Variants in CTNNA2 observed in about 807,000 individuals in gnomAD.
CTNNA2 encodes catenin alpha-2.
Under a neutral mutation model 101.0 loss-of-function variants are expected in CTNNA2, and 42 were observed. The observed-to-expected ratio is 0.42, with a 90% CI of 0.32 to 0.54. The LOEUF is 0.54. Among genes scored for constraint, CTNNA2 ranks in the 20% least tolerant of loss-of-function variants. CTNNA2 has a pLI of 0.14. For synonymous variants in CTNNA2, 450 were observed against 456.4 expected, an observed-to-expected ratio of 0.99 and a Z score of 0.18; for missense variants, 871 against 1,223.1, an observed-to-expected ratio of 0.71 and a Z score of 4.29.
chr2:79,613,165 C>CAAA (rs34156526), intron 1 of CTNNA2, among the ~76,000 whole-genome samples: 7 of 144,492 alleles, frequency 4.8e-5, no homozygotes, highest in Non-Finnish European at 9.1e-5. Flanking sequence ...ACGTTCAGAG[C>CAAA]AAAAAAAAAA....
intron 1 of CTNNA2, among the ~76,000 whole-genome samples, chr2:79,551,270 T>C (rs1674082393): frequency 6.6e-6 from 1 of 151,994 alleles, no homozygotes; most frequent in Non-Finnish European, 1.5e-5. Flanking sequence ...ACCTCAGTAT[T>C]TAAAGGGGAA....
intron 6 of CTNNA2, among the ~76,000 whole-genome samples, chr2:79,882,850 C>G (rs1177384170): frequency 1.3e-5 from 2 of 152,206 alleles, no homozygotes; most frequent in Admixed American, 6.5e-5. Flanking sequence ...CAAGTGGCGT[C>G]TTCCGATCCG....
intron 3 of CTNNA2, among the ~76,000 whole-genome samples, chr2:79,840,979 C>T (rs1399948734): frequency 6.6e-6 from 1 of 152,088 alleles, no homozygotes; most frequent in African/African-American, 2.4e-5. Context: ...CCGTGTTAGC[C>T]AACATGGTCT....
At chr2:80,391,463 A>G (rs554007982) in intron 7 of CTNNA2, among the ~76,000 whole-genome samples, 1 of 152,356 alleles carries the variant, frequency 6.6e-6, no homozygotes, top group East Asian at 1.9e-4. Flanking sequence ...CAAGTTTTCA[A>G]CTAAACTCAT....
At chr2:79,735,817 C>T (rs1295870220) in intron 2 of CTNNA2, among the ~76,000 whole-genome samples, 1 of 152,120 alleles carries the variant, frequency 6.6e-6, no homozygotes, top group Admixed American at 6.5e-5. Flanking sequence ...CATCTGAATT[C>T]TATGCAGTTA....
intron 7 of CTNNA2, among the ~76,000 whole-genome samples, chr2:79,997,277 A>G (rs961098587): frequency 6.6e-6 from 1 of 151,788 alleles, no homozygotes; most frequent in African/African-American, 2.4e-5. Flanking sequence ...CACCTTTTCT[A>G]CTATGTTTAT....
At chr2:79,342,327 G>A (rs772802288) in intron 3 of CTNNA2, among the ~76,000 whole-genome samples, 6 of 152,194 alleles carry the variant, frequency 3.9e-5, no homozygotes, top group Non-Finnish European at 2.9e-5. Flanking sequence ...TGCCTAAGCT[G>A]CTGTGATGAG....
At chr2:79,303,809 G>A (rs113885342) in intron 2 of CTNNA2, among the ~76,000 whole-genome samples, 2 of 152,070 alleles carry the variant, frequency 1.3e-5, no homozygotes, top group African/African-American at 4.8e-5. Context: ...GGAAGTGGGG[G>A]CTGAGGGAAT....
chr2:80,371,163 A>G (rs1573870047), intron 7 of CTNNA2, among the ~76,000 whole-genome samples: 1 of 152,264 alleles, frequency 6.6e-6, no homozygotes, highest in East Asian at 1.9e-4. Flanking sequence ...AGAAGGTGAG[A>G]GTGACCTTTC....
At chr2:79,774,265 T>C (rs1166992832) in intron 3 of CTNNA2, among the ~76,000 whole-genome samples, 1 of 152,152 alleles carries the variant, frequency 6.6e-6, no homozygotes, top group African/African-American at 2.4e-5. Flanking sequence ...TCCCAGCTGA[T>C]CTTAACCCCC....
At chr2:79,569,084 G>A (rs1031807245) in intron 1 of CTNNA2, among the ~76,000 whole-genome samples, 5 of 152,068 alleles carry the variant, frequency 3.3e-5, no homozygotes, top group African/African-American at 7.2e-5. Flanking sequence ...ATATGAAGAA[G>A]TCTATTTAAT....
chr2:80,520,009 C>G (rs1689405732), intron 9 of CTNNA2, among the ~76,000 whole-genome samples: 4 of 152,100 alleles, frequency 2.6e-5, no homozygotes, highest in Admixed American at 1.3e-4. Flanking sequence ...CATCATTGAT[C>G]CACTGTTGCT....
At chr2:79,485,254 C>A (rs564088329) in intron 4 of CTNNA2, among the ~76,000 whole-genome samples, 44 of 152,002 alleles carry the variant, frequency 2.9e-4, no homozygotes, top group African/African-American at 1.0e-3. Context: ...TTAATTTAAA[C>A]AAATAATAGA....
chr2:79,904,616 A>C (rs563891188), intron 6 of CTNNA2, among the ~76,000 whole-genome samples: 1 of 152,208 alleles, frequency 6.6e-6, no homozygotes, highest in Non-Finnish European at 1.5e-5. Context: ...CTGAATGACC[A>C]TGGGACAACA....
At chr2:79,913,593 G>C (rs971771460) in intron 7 of CTNNA2, among the ~76,000 whole-genome samples, 1 of 152,194 alleles carries the variant, frequency 6.6e-6, no homozygotes, top group Non-Finnish European at 1.5e-5. Flanking sequence ...GGACAGGTGA[G>C]GAGGCCCTGC....
intron 3 of CTNNA2, among the ~76,000 whole-genome samples, chr2:79,342,730 C>G (rs1677165537): frequency 6.6e-6 from 1 of 152,136 alleles, no homozygotes; most frequent in Non-Finnish European, 1.5e-5. Context: ...TGCATCCCTA[C>G]CTGCAGATCC....
chr2:80,330,705 C>G (rs1303868134), intron 7 of CTNNA2, among the ~76,000 whole-genome samples: 1 of 152,062 alleles, frequency 6.6e-6, no homozygotes, highest in African/African-American at 2.4e-5. Flanking sequence ...TCCAGGGTCT[C>G]CACAGGTCCA....
intron 7 of CTNNA2, among the ~76,000 whole-genome samples, chr2:80,319,148 A>G (rs1325941818): frequency 6.6e-6 from 1 of 152,210 alleles, no homozygotes; most frequent in East Asian, 1.9e-4. Context: ...AACTATGTTC[A>G]GACAGTAATA....
chr2:80,564,509 GTT>G (rs70940087), intron 12 of CTNNA2, among the ~76,000 whole-genome samples: 1,702 of 141,360 alleles, frequency 0.012, 28 homozygotes, highest in African/African-American at 0.039. Flanking sequence ...AATTTAGAGA[GTT>G]TTTTTTTTTT....
Sources: gnomAD v4.1 joint callset for allele counts (sites outside exome capture counted in the v4.1 genomes callset) on GRCh38, gnomAD v4.1.1 for gene constraint, MANE v1.5 for transcripts, NCBI Gene and HGNC (gene_info 2026-07-23, HGNC 2026-07-21) for gene names.